SLC7A8: variants seen among roughly 807,000 people sequenced by gnomAD.
SLC7A8 encodes the protein large neutral amino acids transporter small subunit 2.
SLC7A8 carries 30 observed loss-of-function variants against 51.2 expected under a neutral mutation model. The observed-to-expected ratio is 0.59, with a 90% confidence interval of 0.44 to 0.80. The LOEUF is 0.80. Among genes scored for constraint, SLC7A8 ranks in the 30% least tolerant of loss-of-function variants. The pLI, the probability that SLC7A8 is intolerant of heterozygous loss-of-function variation, is 0.00. For missense variants in SLC7A8, 612 were observed against 674.4 expected, an observed-to-expected ratio of 0.91 and a Z score of 1.03; for synonymous variants, 257 against 275.8, an observed-to-expected ratio of 0.93 and a Z score of 0.67.
At chr14:23,158,794 GTTTT>G (rs1195388602) in intron 3 of SLC7A8, among the ~76,000 whole-genome samples, 3 of 152,130 alleles carry the variant, frequency 2.0e-5, no homozygotes, top group Non-Finnish European at 1.5e-5. Flanking sequence ...AATCTTTCTT[GTTTT>G]TGTCATCTCT....
At chr14:23,168,665 A>C (rs1032528745) in intron 1 of SLC7A8, among the ~76,000 whole-genome samples, 2 of 152,232 alleles carry the variant, frequency 1.3e-5, no homozygotes, top group East Asian at 3.8e-4. Flanking sequence ...CTTAGAGCCA[A>C]GAATGGCTGT....
Position 23,182,992 on chromosome 14 carries a change from C to A in SLC7A8, c.-78G>T. On this transcript the variant is annotated 5_prime_UTR_variant, in exon 1 of 11. Transcript: ENST00000316902. ...TTCGTGTAAATATATTGGGAGAGAG[C>A]TTTGAATTAGAACGTCCTTTTCCGA... 6.3e-7 allele frequency: 1 copy of A among 1,588,900 alleles called. No individual in the cohort carries two copies. Among genetic ancestry groups the A allele is most frequent in the Non-Finnish European group, 8.6e-7 (1 of 1,161,282 alleles).
At position 23,128,398 on chromosome 14, in the gene SLC7A8, C is replaced by T; in HGVS notation, c.1264-202G>A. 6.6e-7 allele frequency: 1 copy of T among 1,517,686 alleles called. No homozygotes were observed. Among genetic ancestry groups the T allele is most frequent in the Non-Finnish European group, 8.8e-7 (1 of 1,133,854 alleles). The allele number at this position is 1,517,686 out of a possible 1,614,324, so 94.0% of individuals were successfully genotyped here. A position where few individuals can be genotyped will look rare whatever the true frequency, so the allele number is the denominator to read the frequency against. On this transcript the variant is annotated intron_variant, in intron 9 of 10. Coordinates refer to ENST00000316902, the MANE Select transcript of SLC7A8 (RefSeq NM_012244.4). This position sits in a 1 kb window ranked among gnomAD's most constrained non-coding sequence, Gnocchi z 4.3. ...ACAAATGTTGATGAACATGGTCGGT[C>T]AGACAGGAAGAGGATGGGGAGGAGT...
At chr14:23,156,268 G>A (rs1453183807) in intron 3 of SLC7A8, 3 of 152,192 alleles carry the variant, frequency 2.0e-5, no homozygotes, top group African/African-American at 7.2e-5. Context: ...AAAGTGCTGG[G>A]ATTACAGGAA....
At chr14:23,161,417 A>C (rs1328161471) in intron 3 of SLC7A8, among the ~76,000 whole-genome samples, 1 of 151,940 alleles carries the variant, frequency 6.6e-6, no homozygotes, top group Non-Finnish European at 1.5e-5. Context: ...CTCGCTTCAC[A>C]GTCATCAGCA....
rs182780470 is a variant in SLC7A8 at position 23,152,118 on chromosome 14, G to C, written c.509-8914C>G. ...TAAGAGTACACGTTATTCCCAGAGA[G>C]AGACTACTTGATAACTGTTTTCTTT... On this transcript the variant is annotated intron_variant, in intron 3 of 10. Transcript: ENST00000316902. Among the ~76,000 whole-genome samples the C allele has an allele frequency of 4.6e-5, 7 of 152,186 alleles. No individual in the cohort carries two copies. In the East Asian group the frequency reaches 9.7e-4, roughly 21 times the overall value.
intron 3 of SLC7A8, among the ~76,000 whole-genome samples, chr14:23,158,580 G>C (rs1447721645): frequency 6.6e-6 from 1 of 152,164 alleles, no homozygotes; most frequent in Non-Finnish European, 1.5e-5. Context: ...TCCTGACCTC[G>C]TGATCCACCC....
chr14:23,150,887 C>T (rs957138504), intron 3 of SLC7A8, among the ~76,000 whole-genome samples: 1 of 152,194 alleles, frequency 6.6e-6, no homozygotes, highest in African/African-American at 2.4e-5. Context: ...TCACAAATGA[C>T]CTGCTCTGGG....
intron 3 of SLC7A8, among the ~76,000 whole-genome samples, chr14:23,162,187 T>G (rs1425742242): frequency 6.6e-6 from 1 of 152,080 alleles, no homozygotes; most frequent in East Asian, 1.9e-4. Flanking sequence ...AAGTTTGTTA[T>G]AGCTAATGCA....
rs1467872917 is a variant in SLC7A8 at position 23,143,069 on chromosome 14, C to CGG, written c.634+9_634+10insCC. On this transcript the variant is annotated intron_variant, in intron 4 of 10. Transcript: ENST00000316902. ...AGCTGGGCAGTACCTGTTTTTCCTG[C>CGG]GATACTCACCTTTGCATATCTGTAC... The CGG allele has an allele frequency of 1.9e-5, 30 of 1,613,306 alleles. No homozygotes were observed. The highest frequency in any genetic ancestry group is 2.5e-5 in the Non-Finnish European group (30 of 1,179,412).
intron 1 of SLC7A8, among the ~76,000 whole-genome samples, chr14:23,176,558 TTTAACGTACAG>T (rs1876927558): frequency 6.6e-6 from 1 of 152,194 alleles, no homozygotes; most frequent in Non-Finnish European, 1.5e-5. Flanking sequence ...TTTCCCCATT[TTTAACGTACAG>T]GTAATTATAA....
At chr14:23,127,458 T>C in intron 10 of SLC7A8, 115 bp from the exon 11 acceptor site, 1 of 1,254,284 alleles carries the variant, frequency 8.0e-7, no homozygotes, top group Non-Finnish European at 1.1e-6. Flanking sequence ...TTCAGAGCAG[T>C]CAGTGCGTTG....
chr14:23,181,940 A>G (rs1877200182), intron 1 of SLC7A8, among the ~76,000 whole-genome samples: 1 of 152,222 alleles, frequency 6.6e-6, no homozygotes, highest in South Asian at 2.1e-4. Context: ...AGTGGCCTGC[A>G]CTGGCACTCT....
At chr14:23,172,387 T>C (rs1282903269) in intron 1 of SLC7A8, among the ~76,000 whole-genome samples, 5 of 152,204 alleles carry the variant, frequency 3.3e-5, no homozygotes, top group African/African-American at 9.7e-5. Flanking sequence ...AAAAGGTATT[T>C]ATTGAGCGCC....
At chr14:23,127,939 G>A (rs1309551909) in intron 10 of SLC7A8, 80 bp downstream of exon 10, 1 of 1,294,832 alleles carries the variant, frequency 7.7e-7, no homozygotes, top group Non-Finnish European at 1.1e-6. Context: ...CCTGGCCCTG[G>A]TGGCTCCCCA....
At chr14:23,170,907 G>T (rs35113644) in intron 1 of SLC7A8, among the ~76,000 whole-genome samples, 1 of 151,368 alleles carries the variant, frequency 6.6e-6, no homozygotes, top group Non-Finnish European at 1.5e-5. Flanking sequence ...TATGTTTTTC[G>T]ATGGGGGGAG....
intron 8 of SLC7A8, 101 bp from the exon 9 acceptor site, chr14:23,129,900 C>T (rs968782738): frequency 1.1e-5 from 15 of 1,310,320 alleles, no homozygotes; most frequent in East Asian, 2.4e-5. Context: ...ATGATGCCAT[C>T]GTATAATGGA....
intron 3 of SLC7A8, among the ~76,000 whole-genome samples, chr14:23,148,522 C>T (rs763125194): frequency 6.6e-6 from 1 of 152,162 alleles, no homozygotes; most frequent in Non-Finnish European, 1.5e-5. Flanking sequence ...GCCACCGCGC[C>T]CAGCCAAGTT....
At chr14:23,160,073 G>A (rs1228658310) in intron 3 of SLC7A8, among the ~76,000 whole-genome samples, 1 of 152,170 alleles carries the variant, frequency 6.6e-6, no homozygotes, top group East Asian at 1.9e-4. Context: ...AGGCCAGGAG[G>A]GGACTGAATG....
Sources: gnomAD v4.1 joint callset for allele counts (sites outside exome capture counted in the v4.1 genomes callset) on GRCh38, gnomAD v4.1.1 for gene constraint, Gnocchi (gnomAD v3.1) non-coding constraint, MANE v1.5 for transcripts, NCBI Gene and HGNC (gene_info 2026-07-23, HGNC 2026-07-21) for gene names.